Variants in FAP observed in about 807,000 individuals in gnomAD.
FAP encodes the protein prolyl endopeptidase FAP.
Under a neutral mutation model 126.5 loss-of-function variants are expected in FAP, and 110 were observed. The ratio of observed to expected loss-of-function variants is 0.87; its 90% CI spans 0.74 to 1.02. The LOEUF (loss-of-function observed/expected upper bound fraction) is 1.02. FAP is among the 50% of genes least tolerant of loss of function. The pLI, the probability that FAP is intolerant of heterozygous loss-of-function variation, is 0.00. For missense variants in FAP, 919 were observed against 909.2 expected (o/e 1.01, Z -0.14); for synonymous variants, 334 against 297.3 (o/e 1.12, Z -1.27).
rs969292455 is a variant in FAP, at chr2:162,172,842, A to G, written c.2150T>C (p.Leu717Pro). The change falls in exon 25 of 26, where the codon CTG becomes CCG. Residue 717 changes from leucine (L) to proline (P), a missense_variant. Transcript: ENST00000188790. ...CTGGAAATCCACTTGTGCATTAACCAGAGCTTTAGCAATCTGTGCTGAGTT... is the reference window on the plus strand; with the variant it reads ...CTGGAAATCCACTTGTGCATTAACCGGAGCTTTAGCAATCTGTGCTGAGTT... ...FQNSAQIAKA[L>P]VNAQVDFQAM... 3.1e-6 allele frequency: 5 copies of G among 1,612,950 alleles called. No individual in the cohort carries two copies. Among genetic ancestry groups the G allele is most frequent in the Non-Finnish European group, 4.2e-6 (5 of 1,179,296 alleles).
At chr2:162,205,174 T>G (rs1056393739) in intron 12 of FAP, among the ~76,000 whole-genome samples, 1 of 152,234 alleles carries the variant, frequency 6.6e-6, no homozygotes, top group Non-Finnish European at 1.5e-5. Flanking sequence ...ATTGTTTTTG[T>G]TCAAATAAAC....
intron 21 of FAP, 44 bp downstream of exon 21, chr2:162,183,368 GAT>G (rs775973055): frequency 2.2e-6 from 3 of 1,357,712 alleles, no homozygotes; most frequent in Non-Finnish European, 3.1e-6. Context: ...AGAAAATGAT[GAT>G]TGCTGAACTG....
chr2:162,242,807 G>T, intron 2 of FAP, 101 bp downstream of exon 2: 1 of 812,832 alleles, frequency 1.2e-6, no homozygotes, highest in South Asian at 1.6e-5. Context: ...ACTTACTTTG[G>T]AACATAAGCA....
At chr2:162,178,455 CTAGA>C (rs1228290949) in intron 21 of FAP, among the ~76,000 whole-genome samples, 5 of 152,158 alleles carry the variant, frequency 3.3e-5, no homozygotes. Flanking sequence ...CCTCTACCCA[CTAGA>C]TGCCAGTAGC....
chr2:162,224,461 G>T lies in FAP; in HGVS notation c.360+5C>A. On this transcript the variant is annotated splice_donor_5th_base_variant and intron_variant, in intron 5 of 25. Transcript: ENST00000188790. Reference sequence around the variant, plus strand: ...TTGGATATAACCAAATTAAATAGTTGATACCTTTGAATAATCACTTTCTAG... The same window carrying T: ...TTGGATATAACCAAATTAAATAGTTTATACCTTTGAATAATCACTTTCTAG... 1.3e-6 allele frequency: 2 copies of T among 1,552,754 alleles called. No individual in the cohort carries two copies. Among genetic ancestry groups the T allele is most frequent in the Non-Finnish European group, 1.8e-6 (2 of 1,139,250 alleles).
At chr2:162,198,717 C>A (rs746674471) in intron 16 of FAP, 40 bp downstream of exon 16, 6 of 1,610,364 alleles carry the variant, frequency 3.7e-6, no homozygotes, top group South Asian at 1.1e-5. Flanking sequence ...GACAACCATG[C>A]CTGTGGGGAT....
chr2:162,201,559 T>C (rs1479116461), intron 14 of FAP, among the ~76,000 whole-genome samples: 2 of 152,164 alleles, frequency 1.3e-5, no homozygotes, highest in African/African-American at 2.4e-5. Flanking sequence ...TTCCTTGTTA[T>C]GTGGAAGCTT....
At chr2:162,226,113 G>C (rs745942251) in intron 3 of FAP, among the ~76,000 whole-genome samples, 1 of 152,010 alleles carries the variant, frequency 6.6e-6, no homozygotes, top group Admixed American at 6.6e-5. Flanking sequence ...TGAAAATACC[G>C]ATTTCATGAC....
intron 12 of FAP, among the ~76,000 whole-genome samples, chr2:162,203,379 C>G (rs1412541214): frequency 1.3e-5 from 2 of 152,100 alleles, no homozygotes; most frequent in Non-Finnish European, 2.9e-5. Context: ...ACTGCATACC[C>G]CTGGATTTAC....
chr2:162,214,124 A>G, intron 10 of FAP, 51 bp from the exon 11 acceptor site: 1 of 1,581,454 alleles, frequency 6.3e-7, no homozygotes, highest in East Asian at 2.3e-5. Context: ...AGTTTCACAC[A>G]CAAATAATTT....
chr2:162,205,204 C>T (rs979972111), intron 12 of FAP, among the ~76,000 whole-genome samples: 2 of 152,172 alleles, frequency 1.3e-5, no homozygotes, highest in Admixed American at 6.5e-5. Flanking sequence ...TTTAACTTGT[C>T]TAAAGTTTTC....
chr2:162,232,576 C>T (rs576773841), intron 2 of FAP, among the ~76,000 whole-genome samples: 1 of 152,108 alleles, frequency 6.6e-6, no homozygotes, highest in Non-Finnish European at 1.5e-5. Flanking sequence ...AGGTTGCTAG[C>T]TATTATAAAA....
chr2:162,205,728 G>C (rs933331049), intron 12 of FAP, among the ~76,000 whole-genome samples: 4 of 152,080 alleles, frequency 2.6e-5, no homozygotes, highest in Non-Finnish European at 5.9e-5. Flanking sequence ...GGTCAGGCTG[G>C]TCTCGAACTC....
intron 2 of FAP, among the ~76,000 whole-genome samples, chr2:162,234,672 A>G (rs1247546777): frequency 6.6e-6 from 1 of 152,208 alleles, no homozygotes; most frequent in Non-Finnish European, 1.5e-5. Flanking sequence ...GCAGGAAAAC[A>G]GTGTTGAGAG....
chr2:162,179,371 A>G lies in FAP; in HGVS notation c.1869+4043T>C, dbSNP rs1687605097. The stretch of plus-strand genomic sequence containing the variant: ...AAAAATCTCCTGGTACTAGTGGGAC[A>G]CATTTGAGGGGAGACATTGATTTAT... On this transcript the variant is annotated intron_variant, in intron 21 of 25. Coordinates refer to ENST00000188790, the MANE Select transcript of FAP (RefSeq NM_004460.5). Among the ~76,000 whole-genome samples, 3 of 152,060 alleles carry G rather than the reference A, an allele frequency of 2.0e-5. No homozygotes were observed. In the South Asian group the frequency reaches 6.2e-4, roughly 32 times the overall value.
intron 6 of FAP, among the ~76,000 whole-genome samples, chr2:162,223,100 A>G (rs1007459294): frequency 6.6e-6 from 1 of 152,210 alleles, no homozygotes; most frequent in African/African-American, 2.4e-5. Context: ...TCAAAAGAAC[A>G]TTTAGTATTT....
At position 162,170,777 on chromosome 2, in the gene FAP, T is replaced by C; in HGVS notation, c.*202A>G. The C allele has an allele frequency of 2.0e-6, 1 of 507,634 alleles. No individual in the cohort carries two copies. Among genetic ancestry groups the C allele is most frequent in the Non-Finnish European group, 3.5e-6 (1 of 284,856 alleles). 31.4% of individuals were successfully genotyped at this position (507,634 alleles called of 1,614,324 possible). A position where few individuals can be genotyped will look rare whatever the true frequency, so the allele number is the denominator to read the frequency against. Reference sequence around the variant, plus strand: ...CAAAATGCATGACTCCCTTTTCTCTTCTTTCACAGAGTACCAGAAAATGTA... The same window carrying C: ...CAAAATGCATGACTCCCTTTTCTCTCCTTTCACAGAGTACCAGAAAATGTA... On this transcript the variant is annotated 3_prime_UTR_variant, in exon 26 of 26. Transcript: ENST00000188790.
At chr2:162,205,942 A>T (rs1247390553) in intron 12 of FAP, among the ~76,000 whole-genome samples, 1 of 152,226 alleles carries the variant, frequency 6.6e-6, no homozygotes, top group Non-Finnish European at 1.5e-5. Context: ...TGCAAGCTGC[A>T]GTCAGTTAGA....
At position 162,230,679 on chromosome 2, in the gene FAP, T is replaced by G. The variant is rs77342781; in HGVS notation, c.92-4058A>C. Among the ~76,000 whole-genome samples, 461 of 152,198 alleles carry G rather than the reference T, an allele frequency of 3.0e-3. 1 individual carries two copies. The highest frequency in any genetic ancestry group is 5.3e-3 in the Non-Finnish European group (363 of 67,988). ...CCTTCATTTAAATATTTATAAAAAT[T>G]TGGTCCTTGGAGCCCCTTGGAGTGT... On this transcript the variant is annotated intron_variant, in intron 2 of 25. Coordinates refer to ENST00000188790, the MANE Select transcript of FAP (RefSeq NM_004460.5).
Sources: allele counts gnomAD v4.1 joint callset (sites outside exome capture counted in the v4.1 genomes callset), GRCh38; gene constraint gnomAD v4.1.1; transcripts MANE v1.5; gene names NCBI Gene and HGNC (gene_info 2026-07-23, HGNC 2026-07-21).